The following ABL1 variants were observed in gnomAD, a reference collection of about 807,000 sequenced individuals.
ABL1 encodes ABL proto-oncogene 1, non-receptor tyrosine kinase.
A neutral mutation model predicts 94.7 loss-of-function variants in ABL1; 11 were observed. The ratio of observed to expected loss-of-function variants is 0.12; its 90% CI spans 0.07 to 0.19. The LOEUF (loss-of-function observed/expected upper bound fraction) is 0.19. Among genes scored for constraint, ABL1 ranks in the 10% least tolerant of loss-of-function variants. The pLI, the probability that ABL1 is intolerant of heterozygous loss-of-function variation, is 1.00. For synonymous variants in ABL1, 656 were observed against 622.4 expected (o/e 1.05, Z -0.80); for missense variants, 1,082 against 1,489.4 (o/e 0.73, Z 4.50).
chr9:130,739,714 T>G (rs1268034474), intron 1 of ABL1, among the ~76,000 whole-genome samples: 1 of 152,194 alleles, frequency 6.6e-6, no homozygotes, highest in Non-Finnish European at 1.5e-5. Context: ...ATGGTATGAC[T>G]TCTGTGGGTA....
intron 1 of ABL1, among the ~76,000 whole-genome samples, chr9:130,846,438 T>C (rs867376968): frequency 2.6e-5 from 4 of 152,162 alleles, no homozygotes; most frequent in South Asian, 2.1e-4. Context: ...AAAGGAAATA[T>C]GAATAAAGCA....
intron 1 of ABL1, among the ~76,000 whole-genome samples, chr9:130,809,162 G>A (rs1289439278): frequency 6.6e-6 from 1 of 152,146 alleles, no homozygotes; most frequent in Non-Finnish European, 1.5e-5. Context: ...CAGATGCCCA[G>A]GGAGCCCACT....
intron 1 of ABL1, among the ~76,000 whole-genome samples, chr9:130,843,207 G>A (rs968749378): frequency 1.3e-5 from 2 of 152,236 alleles, no homozygotes; most frequent in East Asian, 3.8e-4. Flanking sequence ...GTTGCACTGA[G>A]CAGGCACAGA....
chr9:130,880,417 CAAAG>C lies in ABL1; in HGVS notation c.1514-77_1514-74del, dbSNP rs1384476385. ...TATGCAGATGAGCACTGTTACCTTA[CAAAG>C]AAAGAGAACCACCACACCAAGCCAA... On this transcript the variant is annotated intron_variant, in intron 9 of 10. Coordinates refer to ENST00000318560, the MANE Select transcript of ABL1 (RefSeq NM_005157.6). This position sits in a 1 kb window ranked among gnomAD's most constrained non-coding sequence, Gnocchi z 4.4. The C allele has an allele frequency of 6.6e-6, 10 of 1,518,908 alleles. No homozygotes were observed. The African/African-American group carries it at 6.9e-5, about 11-fold the overall frequency. 94.1% of individuals were successfully genotyped at this position (1,518,908 alleles called of 1,614,324 possible).
At position 130,835,394 on chromosome 9, in the gene ABL1, C is replaced by T. The variant is rs547083737; in HGVS notation, c.-53C>T. The T allele has an allele frequency of 6.6e-6, 9 of 1,354,434 alleles. No individual in the cohort carries two copies. Among genetic ancestry groups the T allele is most frequent in the African/African-American group, 3.1e-5 (2 of 64,456 alleles). The allele number at this position is 1,354,434 out of a possible 1,614,324, so 83.9% of individuals were successfully genotyped here. A position where few individuals can be genotyped will look rare whatever the true frequency, so the allele number is the denominator to read the frequency against. The stretch of plus-strand genomic sequence containing the variant: ...GGCCGAGCCGGGCCTGAGCCGGGCC[C>T]GCGGACCGAGCTGGGAGAGGGGTTC... On this transcript the variant is annotated 5_prime_UTR_variant, in exon 1 of 11. Coordinates refer to ENST00000318560, the MANE Select transcript of ABL1 (RefSeq NM_005157.6). This position sits in a 1 kb window ranked among gnomAD's most constrained non-coding sequence, Gnocchi z 4.6.
intron 1 of ABL1, among the ~76,000 whole-genome samples, chr9:130,821,734 C>T (rs1280649687): frequency 6.6e-6 from 1 of 150,384 alleles, no homozygotes; most frequent in African/African-American, 2.5e-5. Flanking sequence ...ATAATCTTGG[C>T]TCACTGCAAC....
At position 130,782,770 on chromosome 9, in the gene ABL1, G is replaced by T. The variant is rs145290017; in HGVS notation, c.136+68315G>T. On this transcript the variant is annotated intron_variant, in intron 1 of 10. Transcript: ENST00000372348. Reference sequence around the variant, plus strand: ...AAGATGCTGCAGCTGGATTGGCTTCGTGGGAAGTTGTGGAATTCTGTTCCC... The same window carrying T: ...AAGATGCTGCAGCTGGATTGGCTTCTTGGGAAGTTGTGGAATTCTGTTCCC... 7.4e-3 allele frequency among the ~76,000 whole-genome samples: 1,125 copies of T among 152,320 alleles called. 16 individuals carry two copies. The highest frequency in any genetic ancestry group is 0.026 in the African/African-American group (1,079 of 41,560).
chr9:130,876,170 T>C (rs1270286325), intron 7 of ABL1, among the ~76,000 whole-genome samples: 1 of 151,890 alleles, frequency 6.6e-6, no homozygotes, highest in Non-Finnish European at 1.5e-5. Flanking sequence ...GGGTTTTTTT[T>C]TGAGTAATTT....
rs1333220253 is a variant in ABL1, at chr9:130,884,701, C to G, written c.2411C>G (p.Ser804Cys). The change falls in exon 11 of 11, where the codon TCC becomes TGC. Residue 804 changes from serine to cysteine, a missense_variant. Physicochemically the swap from Ser to Cys is moderately radical, Grantham distance 112. Transcript: ENST00000318560. The surrounding 1 kb of genome is among the most constrained non-coding windows in gnomAD (Gnocchi z 5.6). ...ADEVFKDIMESSPGSSPPNLT... is the reference protein window; with the variant it reads ...ADEVFKDIMECSPGSSPPNLT... ...GAGGTCTTCAAAGACATCATGGAGTCCAGCCCGGGCTCCAGCCCGCCCAAC... is the reference window on the plus strand; with the variant it reads ...GAGGTCTTCAAAGACATCATGGAGTGCAGCCCGGGCTCCAGCCCGCCCAAC... The G allele has an allele frequency of 6.2e-7, 1 of 1,612,702 alleles. No individual in the cohort carries two copies. The highest frequency in any genetic ancestry group is 1.7e-5 in the Admixed American group (1 of 60,010).
chr9:130,885,287 C>G lies in ABL1; in HGVS notation c.2997C>G (p.Ser999=). ...CCCTGGCAGGGGACCAGCCGTCTTC[C>G]ACCGCCTTCATCCCTCTCATATCAA... ...SSALAGDQPS[S]TAFIPLISTR... Residue 999 remains serine (S), a synonymous_variant, in exon 11 of 11, where the codon TCC becomes TCG. Transcript: ENST00000318560. 6.2e-7 allele frequency: 1 copy of G among 1,613,842 alleles called. No individual in the cohort carries two copies. Among genetic ancestry groups the G allele is most frequent in the South Asian group, 1.1e-5 (1 of 91,074 alleles).
chr9:130,745,080 C>CTTTT (rs767607633), intron 1 of ABL1, among the ~76,000 whole-genome samples: 1 of 131,380 alleles, frequency 7.6e-6, no homozygotes, highest in Non-Finnish European at 1.6e-5. Flanking sequence ...TCCTGGGAAC[C>CTTTT]TTTTTTTTTT....
At chr9:130,849,259 A>G (rs1830820666) in intron 1 of ABL1, among the ~76,000 whole-genome samples, 1 of 152,206 alleles carries the variant, frequency 6.6e-6, no homozygotes, top group Admixed American at 6.5e-5. Context: ...AAATTAGTGT[A>G]TAGAAATAAT....
intron 1 of ABL1, among the ~76,000 whole-genome samples, chr9:130,791,882 C>A (rs934169656): frequency 2.0e-5 from 3 of 152,160 alleles, no homozygotes; most frequent in African/African-American, 7.2e-5. Flanking sequence ...AATAAACTCC[C>A]TTTCATATAT....
intron 1 of ABL1, among the ~76,000 whole-genome samples, chr9:130,823,530 C>G (rs1464633572): frequency 6.6e-6 from 1 of 152,174 alleles, no homozygotes; most frequent in Non-Finnish European, 1.5e-5. Context: ...GATGGCTCCT[C>G]AGGGTCAGAC....
In ABL1 at chr9:130,886,035, C is replaced by T; in HGVS notation, c.*352C>T. 3.5e-6 allele frequency: 1 copy of T among 288,612 alleles called. No homozygotes were observed. The highest frequency in any genetic ancestry group is 6.5e-6 in the Non-Finnish European group (1 of 154,388). 17.9% of individuals were successfully genotyped at this position (288,612 alleles called of 1,614,324 possible). A position where few individuals can be genotyped will look rare whatever the true frequency, so the allele number is the denominator to read the frequency against. ...GGTGGGAACGGCTGATGTGGACTGT[C>T]TTTTTCATTTTTTTCTCTCTGGAGC... On this transcript the variant is annotated 3_prime_UTR_variant, in exon 11 of 11. Coordinates refer to ENST00000318560, the MANE Select transcript of ABL1 (RefSeq NM_005157.6).
At chr9:130,812,327 C>T (rs1328793097) in intron 1 of ABL1, among the ~76,000 whole-genome samples, 1 of 151,546 alleles carries the variant, frequency 6.6e-6, no homozygotes, top group Admixed American at 6.6e-5. Context: ...CACCACTGCA[C>T]TCCTCCAGCC....
intron 1 of ABL1, among the ~76,000 whole-genome samples, chr9:130,853,005 T>G (rs1245448652): frequency 1.3e-5 from 2 of 151,972 alleles, no homozygotes; most frequent in Non-Finnish European, 2.9e-5. Context: ...GAACAGGCAG[T>G]GAAGGTGTGC....
At chr9:130,779,290 G>A (rs573771513) in intron 1 of ABL1, among the ~76,000 whole-genome samples, 30 of 152,312 alleles carry the variant, frequency 2.0e-4, no homozygotes, top group South Asian at 1.0e-3. Context: ...TTAGGGCAAC[G>A]AAGATCCACA....
intron 1 of ABL1, among the ~76,000 whole-genome samples, chr9:130,739,320 T>G (rs1414609180): frequency 6.6e-6 from 1 of 152,222 alleles, no homozygotes; most frequent in African/African-American, 2.4e-5. Context: ...CAGCACTGTC[T>G]TATTCACAAT....
Sources: allele counts gnomAD v4.1 joint callset (sites outside exome capture counted in the v4.1 genomes callset), GRCh38; gene constraint gnomAD v4.1.1; non-coding constraint Gnocchi (gnomAD v3.1); transcripts MANE v1.5; gene names NCBI Gene and HGNC (gene_info 2026-07-23, HGNC 2026-07-21).